Variants in NLGN3 observed in about 807,000 individuals in gnomAD.
The protein encoded by NLGN3 is neuroligin 3.
Under a neutral mutation model 42.9 loss-of-function variants are expected in NLGN3, and 11 were observed. The observed-to-expected ratio is 0.26, with a 90% CI of 0.16 to 0.42. NLGN3 has a LOEUF of 0.42. NLGN3 is among the 10% of genes least tolerant of loss of function. The pLI is 1.00. For synonymous variants in NLGN3, 279 were observed against 312.7 expected (o/e 0.89, Z 1.14); for missense variants, 374 against 733.8 (o/e 0.51, Z 5.67).
chrX:71,170,986 G>A lies in NLGN3; in HGVS notation c.*889G>A. 1.6e-5 allele frequency: 12 copies of A among 754,519 alleles called. No homozygotes were observed. Among genetic ancestry groups the A allele is most frequent in the Non-Finnish European group, 1.9e-5 (12 of 639,344 alleles). 62.2% of individuals were successfully genotyped at this position (754,519 alleles called of 1,213,427 possible). A position where few individuals can be genotyped will look rare whatever the true frequency, so the allele number is the denominator to read the frequency against. ...TCTGGGTTTTGCCTCTGCCCTTGGG[G>A]AAATGCTATCAGAAATTCGCCCCAT... On this transcript the variant is annotated 3_prime_UTR_variant, in exon 8 of 8. Transcript: ENST00000358741.
At chrX:71,168,884 G>GAAAGAAAGAAAGAAAGAAAAGAA (rs774015992) in intron 7 of NLGN3, among the ~76,000 whole-genome samples, 1 of 71,603 alleles carries the variant, frequency 1.4e-5, no homozygotes, top group African/African-American at 1.4e-4. Flanking sequence ...AGAAAAGAAA[G>GAAAGAAAGAAAGAAAGAAAAGAA]AGAAAGAAAG....
chrX:71,145,345 C>A (rs1394571207), intron 1 of NLGN3, among the ~76,000 whole-genome samples: 1 of 93,200 alleles, frequency 1.1e-5, no homozygotes, highest in African/African-American at 4.0e-5. Context: ...CTCCCTCCCC[C>A]ACTATCTGCA....
In NLGN3 at chrX:71,158,849, C is replaced by G. The variant is rs139513763; in HGVS notation, c.727+3486C>G. 2.3e-4 allele frequency among the ~76,000 whole-genome samples: 26 copies of G among 111,710 alleles called. No homozygotes were observed. In the East Asian group the frequency reaches 7.3e-3, roughly 31 times the overall value. On this transcript the variant is annotated intron_variant, in intron 5 of 7. Coordinates refer to ENST00000358741, the MANE Select transcript of NLGN3 (RefSeq NM_181303.2). ...CGCTGGTGAGCATTCCGTATGATAT[C>G]CTGATTTGCTGATTACTTCACAATC...
In NLGN3 at chrX:71,161,872, C is replaced by T. The variant is rs1002680658; in HGVS notation, c.728-2271C>T. On this transcript the variant is annotated intron_variant, in intron 5 of 7. Transcript: ENST00000358741. ...TGGTACATTGGAGAAATCTGCTCTACTACATCCAAATGCAGGCTTTGCCTG... is the reference window on the plus strand; with the variant it reads ...TGGTACATTGGAGAAATCTGCTCTATTACATCCAAATGCAGGCTTTGCCTG... Among the ~76,000 whole-genome samples, 6 of 113,339 alleles carry T rather than the reference C, an allele frequency of 5.3e-5. No individual in the cohort carries two copies. The East Asian group carries it at 8.3e-4, about 16-fold the overall frequency.
intron 5 of NLGN3, among the ~76,000 whole-genome samples, chrX:71,158,241 C>T (rs1473848198): frequency 9.1e-6 from 1 of 110,230 alleles, no homozygotes; most frequent in African/African-American, 3.3e-5. Context: ...TGCACCACCA[C>T]ACCCAGCTAA....
rs753590565 is a variant in NLGN3 at position 71,167,696 on chromosome X, T to A, written c.1599T>A (p.Val533=). 1 of 1,211,355 alleles carries A rather than the reference T, an allele frequency of 8.3e-7. No individual in the cohort carries two copies. Among genetic ancestry groups the A allele is most frequent in the Middle Eastern group, 2.3e-4 (1 of 4,354 alleles). Residue 533 remains valine (V), a synonymous_variant, in exon 7 of 8, where the codon GTT becomes GTA. Transcript: ENST00000358741. The part of the protein sequence containing the change: ...HGDEVPYVFG[V]PMVGPTDLFP... ...ATGAAGTACCCTATGTTTTTGGGGTTCCTATGGTAGGCCCCACTGACCTTT... is the reference window on the plus strand; with the variant it reads ...ATGAAGTACCCTATGTTTTTGGGGTACCTATGGTAGGCCCCACTGACCTTT...
rs2092397967 is a variant in NLGN3 at position 71,153,509 on chromosome X, G to A, written c.550G>A (p.Ala184Thr). 2 of 1,208,551 alleles carry A rather than the reference G, an allele frequency of 1.7e-6. No homozygotes were observed. The highest frequency in any genetic ancestry group is 1.8e-5 in the South Asian group (1 of 56,208). ...CGCTAAGAAACAGGGCGAGGACTTA[G>A]CGGATAATGACGGGGATGAAGATGA... Reference protein sequence around the residue: ...SGAKKQGEDLADNDGDEDEDI... With the variant: ...SGAKKQGEDLTDNDGDEDEDI... Residue 184 changes from alanine (A) to threonine (T), a missense_variant, in exon 4 of 8, where the codon GCG (alanine) becomes ACG (threonine). By Grantham distance (58) the Ala-to-Thr change is moderately conservative. Transcript: ENST00000358741.
chrX:71,159,815 G>A (rs940961938), intron 5 of NLGN3, among the ~76,000 whole-genome samples: 3 of 106,299 alleles, frequency 2.8e-5, no homozygotes, highest in Non-Finnish European at 3.9e-5. Context: ...AACCTCTGCC[G>A]CCGGGTTCAA....
chrX:71,150,268 C>G (rs1301910942), intron 3 of NLGN3, among the ~76,000 whole-genome samples: 1 of 111,940 alleles, frequency 8.9e-6, no homozygotes, highest in Non-Finnish European at 1.9e-5. Context: ...AGTCCCAGCT[C>G]TGCTGCCAAC....
intron 5 of NLGN3, among the ~76,000 whole-genome samples, chrX:71,162,089 T>C (rs1245821293): frequency 9.0e-6 from 1 of 110,804 alleles, no homozygotes; most frequent in African/African-American, 3.3e-5. Flanking sequence ...GGTTGGATCA[T>C]GGTCAACAGA....
intron 7 of NLGN3, among the ~76,000 whole-genome samples, chrX:71,168,819 AAAAAAGAAAG>A (rs1254614472): frequency 1.3e-5 from 1 of 79,715 alleles, no homozygotes; most frequent in South Asian, 6.7e-4. Flanking sequence ...AAAGAGAAAA[AAAAAAGAAAG>A]AAAGAAAGAA....
rs1217162455 is a variant in NLGN3, at chrX:71,153,465, T to C, written c.518-12T>C. 8.3e-7 allele frequency: 1 copy of C among 1,204,942 alleles called. No individual in the cohort carries two copies. The highest frequency in any genetic ancestry group is 2.2e-5 in the Admixed American group (1 of 45,458). On this transcript the variant is annotated splice_polypyrimidine_tract_variant and intron_variant, in intron 3 of 7. Coordinates refer to ENST00000358741, the MANE Select transcript of NLGN3 (RefSeq NM_181303.2). ...TTCTGTGCTGTTGTGTCTCCCCGTG[T>C]CTGGTCCCCAGGATCCGGCGCTAAG...
chrX:71,166,656 G>A (rs1023308045), intron 6 of NLGN3, among the ~76,000 whole-genome samples: 1 of 111,668 alleles, frequency 9.0e-6, no homozygotes, highest in Non-Finnish European at 1.9e-5. Flanking sequence ...CTGGTGGTGC[G>A]CTGGCACGGA....
chrX:71,160,273 A>G (rs1200285354), intron 5 of NLGN3, among the ~76,000 whole-genome samples: 1 of 103,288 alleles, frequency 9.7e-6, no homozygotes, highest in African/African-American at 3.6e-5. Flanking sequence ...CTGGAGTGCA[A>G]TGGCATGATC....
rs764624943 is a variant in NLGN3, at chrX:71,147,913, G to A, written c.164G>A (p.Arg55Gln). The change falls in exon 2 of 8, where the codon CGA (arginine) becomes CAA (glutamine). Residue 55 changes from arginine to glutamine, a missense_variant. Coordinates refer to ENST00000358741, the MANE Select transcript of NLGN3 (RefSeq NM_181303.2). ...CACTTTGGGAAGCTAAGGGGTGCCC[G>A]AGTACCACTGCCCAGTGAGATCCTG... is the stretch of plus-strand genomic sequence containing the variant. ...NTHFGKLRGA[R>Q]VPLPSEILGP... The A allele has an allele frequency of 4.1e-6, 5 of 1,208,988 alleles. No homozygotes were observed. The highest frequency in any genetic ancestry group is 2.2e-5 in the Admixed American group (1 of 45,797).
rs1490179519 is a variant in NLGN3, at chrX:71,164,131, T to C, written c.728-12T>C. 8.3e-7 allele frequency: 1 copy of C among 1,210,303 alleles called. No homozygotes were observed. The highest frequency in any genetic ancestry group is 3.0e-5 in the East Asian group (1 of 33,807). On this transcript the variant is annotated splice_polypyrimidine_tract_variant and intron_variant, in intron 5 of 7. Transcript: ENST00000358741. ...CTGCCTTCATTGTCTTCATGCCCTT[T>C]GTTGAATCCAGGTTTCCTGAGTACT...
In NLGN3 at chrX:71,171,064, TTTG is replaced by T. The variant is rs1424888166; in HGVS notation, c.*977_*979del. ...TTTCTCTTTCAAAAAGGCGGTGTTTTTTGTTGTTGTTGGTTTTTTTTTTTTTTT... is the reference window on the plus strand; with the variant it reads ...TTTCTCTTTCAAAAAGGCGGTGTTTTTTGTTGTTGGTTTTTTTTTTTTTTT... On this transcript the variant is annotated 3_prime_UTR_variant, in exon 8 of 8. Coordinates refer to ENST00000358741, the MANE Select transcript of NLGN3 (RefSeq NM_181303.2). 4 of 751,641 alleles carry T rather than the reference TTTG, an allele frequency of 5.3e-6. No homozygotes were observed. Among genetic ancestry groups the T allele is most frequent in the Non-Finnish European group, 6.3e-6 (4 of 638,688 alleles). The allele number at this position is 751,641 out of a possible 1,213,427, so 61.9% of individuals were successfully genotyped here. A position where few individuals can be genotyped will look rare whatever the true frequency, so the allele number is the denominator to read the frequency against.
At chrX:71,168,865 GAAAGAGAA>G (rs1488908929) in intron 7 of NLGN3, among the ~76,000 whole-genome samples, 51 of 85,820 alleles carry the variant, frequency 5.9e-4, no homozygotes, top group African/African-American at 3.1e-3. Flanking sequence ...AAGAAAGAAA[GAAAGAGAA>G]AGAAAAGAAA....
chrX:71,147,542 T>C lies in NLGN3; in HGVS notation c.-200-8T>C. The C allele has an allele frequency of 2.2e-6, 1 of 450,031 alleles. No individual in the cohort carries two copies. Among genetic ancestry groups the C allele is most frequent in the South Asian group, 3.2e-5 (1 of 30,965 alleles). 37.1% of individuals were successfully genotyped at this position (450,031 alleles called of 1,213,427 possible). A position where few individuals can be genotyped will look rare whatever the true frequency, so the allele number is the denominator to read the frequency against. ...TCTTGGATGACGCATACTTCCCTCTTTCCACAGGCCTGTCTGGCCCTGAGG... is the reference window on the plus strand; with the variant it reads ...TCTTGGATGACGCATACTTCCCTCTCTCCACAGGCCTGTCTGGCCCTGAGG... On this transcript the variant is annotated splice_region_variant and splice_polypyrimidine_tract_variant and intron_variant, in intron 1 of 7. Transcript: ENST00000358741.
Sources: gnomAD v4.1 joint callset for allele counts (sites outside exome capture counted in the v4.1 genomes callset) on GRCh38, gnomAD v4.1.1 for gene constraint, MANE v1.5 for transcripts, NCBI Gene and HGNC (gene_info 2026-07-23, HGNC 2026-07-21) for gene names.